Variants in DROSHA observed in about 807,000 individuals in gnomAD.
DROSHA encodes the protein drosha ribonuclease III, also known as ribonuclease 3.
In DROSHA, 56 loss-of-function variants were observed where a neutral mutation model predicts 181.9. The ratio of observed to expected loss-of-function variants is 0.31; its 90% confidence interval spans 0.25 to 0.38. The LOEUF (loss-of-function observed/expected upper bound fraction) is 0.38, where lower values mean the gene tolerates loss of function less well. DROSHA is among the 10% of genes least tolerant of loss of function. The probability of loss-of-function intolerance (pLI) is 1.00; values close to 1 mark genes in which losing one functional copy is unlikely to be tolerated. For synonymous variants in DROSHA, 524 were observed against 591.2 expected, an observed-to-expected ratio of 0.89 and a Z score of 1.65; for missense variants, 1,218 against 1,743.5, an observed-to-expected ratio of 0.70 and a Z score of 5.37.
chr5:31,476,467 A>G (rs773663524), intron 16 of DROSHA, among the ~76,000 whole-genome samples: 39 of 152,260 alleles, frequency 2.6e-4, no homozygotes, highest in Non-Finnish European at 4.7e-4. Context: ...CGAGTCACAT[A>G]GCAGCATAGA....
chr5:31,476,438 G>A (rs1376399000), intron 16 of DROSHA, among the ~76,000 whole-genome samples: 1 of 152,170 alleles, frequency 6.6e-6, no homozygotes, highest in African/African-American at 2.4e-5. Flanking sequence ...TAGGTACAAC[G>A]CTAATGATGA....
chr5:31,407,461 A>G (rs922345029), intron 33 of DROSHA, among the ~76,000 whole-genome samples: 1 of 152,240 alleles, frequency 6.6e-6, no homozygotes, highest in Non-Finnish European at 1.5e-5. Flanking sequence ...ATCTGAGATC[A>G]CTTGAAAGGT....
intron 6 of DROSHA, 135 bp from the exon 7 acceptor site, chr5:31,515,699 G>T: frequency 3.2e-6 from 4 of 1,250,772 alleles, no homozygotes; most frequent in South Asian, 1.6e-5. Context: ...CACAAAACAG[G>T]GTCTCAATAT....
In DROSHA at chr5:31,526,914, T is replaced by G; in HGVS notation, c.21-2A>C. On this transcript the variant is annotated splice_acceptor_variant, in intron 4 of 35. Transcript: ENST00000344624. LOFTEE classifies it high-confidence loss of function. ...CCCGGGTGGAACGACATTCTGTGAC[T>G]TCATGGCAGAAAAGAAAAAGGGAAA... The G allele has an allele frequency of 6.2e-7, 1 of 1,606,060 alleles. No individual in the cohort carries two copies. Among genetic ancestry groups the G allele is most frequent in the Non-Finnish European group, 8.5e-7 (1 of 1,178,134 alleles).
chr5:31,418,304 AGAG>A (rs1212183042), intron 30 of DROSHA, among the ~76,000 whole-genome samples: 1 of 152,090 alleles, frequency 6.6e-6, no homozygotes, highest in East Asian at 1.9e-4. Context: ...AGAGACAGAG[AGAG>A]GAGAGTCTTG....
chr5:31,485,853 C>T (rs562463789), intron 14 of DROSHA, among the ~76,000 whole-genome samples: 7 of 152,090 alleles, frequency 4.6e-5, no homozygotes, highest in South Asian at 4.2e-4. Flanking sequence ...CCAGGGGCTC[C>T]GGAAATTGAC....
intron 23 of DROSHA, among the ~76,000 whole-genome samples, chr5:31,446,182 C>T (rs1027694884): frequency 2.0e-5 from 3 of 152,036 alleles, no homozygotes; most frequent in African/African-American, 4.8e-5. Flanking sequence ...CGTGGTGGCT[C>T]ACGCCTGTAA....
intron 18 of DROSHA, chr5:31,467,087 T>C (rs966059263): frequency 1.6e-5 from 2 of 123,232 alleles, no homozygotes; most frequent in South Asian, 3.0e-4. Context: ...CTCTCCTTTT[T>C]TGAAAACTTT....
intron 5 of DROSHA, among the ~76,000 whole-genome samples, chr5:31,523,286 C>T (rs1359032260): frequency 6.6e-6 from 1 of 152,140 alleles, no homozygotes; most frequent in Non-Finnish European, 1.5e-5. Flanking sequence ...CATTATAAAA[C>T]AACTCGAATA....
At chr5:31,414,182 G>T (rs922901348) in intron 30 of DROSHA, among the ~76,000 whole-genome samples, 4 of 152,148 alleles carry the variant, frequency 2.6e-5, no homozygotes, top group African/African-American at 9.7e-5. Context: ...AATCCCAAAA[G>T]ATATCAAATG....
intron 16 of DROSHA, among the ~76,000 whole-genome samples, chr5:31,482,841 A>C (rs1751191366): frequency 6.6e-6 from 1 of 151,190 alleles, no homozygotes; most frequent in Non-Finnish European, 1.5e-5. Context: ...ATTTTTAGAG[A>C]TAGGGCCTTG....
chr5:31,462,552 G>A (rs547189172), intron 20 of DROSHA, among the ~76,000 whole-genome samples: 1 of 151,784 alleles, frequency 6.6e-6, no homozygotes, highest in South Asian at 2.1e-4. Context: ...TCAACTAGCT[G>A]AGGGTAGAGG....
At chr5:31,506,181 C>G (rs1737914758) in intron 10 of DROSHA, among the ~76,000 whole-genome samples, 1 of 151,728 alleles carries the variant, frequency 6.6e-6, no homozygotes, top group Non-Finnish European at 1.5e-5. Context: ...GCCAACATGG[C>G]AAAACCCCAT....
chr5:31,514,933 T>C lies in DROSHA; in HGVS notation c.1290+55A>G, dbSNP rs1739110266. 2.1e-5 allele frequency: 32 copies of C among 1,536,828 alleles called. No individual in the cohort carries two copies. The South Asian group carries it at 2.7e-4, about 13-fold the overall frequency. ...GAATTTATCCAGCCCCAAAGGCCAA[T>C]AGTGACAACGCCGAGAAGCCCTAGT... On this transcript the variant is annotated intron_variant, in intron 8 of 35. Transcript: ENST00000344624. This position sits in a 1 kb window ranked among gnomAD's most constrained non-coding sequence, Gnocchi z 4.4.
Position 31,504,634 on chromosome 5 carries a change from A to G in DROSHA, c.1589T>C (p.Met530Thr). The change falls in exon 11 of 36, where the codon ATG becomes ACG. Residue 530 changes from methionine to threonine, a missense_variant and splice_region_variant. This residue lies in a region of DROSHA where 460 missense variants were observed against 774.2 expected (regional missense o/e 0.59). Coordinates refer to ENST00000344624, the MANE Select transcript of DROSHA (RefSeq NM_001382508.1). ...DELWYNDPGQ[M>T]NDGPLCKCSA... ...GCATTTGCAGAGTGGTCCATCATTC[A>G]TCTGTCAGAAACACAATGTAATTCG... 6.2e-7 allele frequency: 1 copy of G among 1,613,870 alleles called. No homozygotes were observed. The highest frequency in any genetic ancestry group is 1.1e-5 in the South Asian group (1 of 91,050).
intron 16 of DROSHA, 74 bp downstream of exon 16, chr5:31,483,480 G>T: frequency 6.8e-7 from 1 of 1,463,618 alleles, no homozygotes; most frequent in South Asian, 1.2e-5. Context: ...TGTCCCTGAA[G>T]ACTGAAAGGA....
chr5:31,425,814 ATCTTGGCAAGTGACTTAAC>A (rs916868157), intron 27 of DROSHA, among the ~76,000 whole-genome samples: 3 of 152,134 alleles, frequency 2.0e-5, no homozygotes, highest in African/African-American at 7.2e-5. Flanking sequence ...TCCTGATTCC[ATCTTGGCAAGTGACTTAAC>A]CTAAGCTTCC....
chr5:31,449,590 G>T (rs1237469039), intron 21 of DROSHA, among the ~76,000 whole-genome samples, 171 bp from the exon 22 acceptor site: 2 of 152,108 alleles, frequency 1.3e-5, no homozygotes, highest in Admixed American at 6.6e-5. Context: ...AGGCTGGTGT[G>T]GTGGCACCTG....
intron 29 of DROSHA, chr5:31,421,880 A>T (rs1267006299): frequency 2.6e-5 from 2 of 76,648 alleles, no homozygotes; most frequent in Non-Finnish European, 4.4e-5. Flanking sequence ...ACAAAAAAAA[A>T]AAAAAAAAAA....
Sources: allele counts gnomAD v4.1 joint callset (sites outside exome capture counted in the v4.1 genomes callset), GRCh38; gene constraint gnomAD v4.1.1; regional missense constraint gnomAD v4.1.1; non-coding constraint Gnocchi (gnomAD v3.1); transcripts MANE v1.5; gene names NCBI Gene and HGNC (gene_info 2026-07-23, HGNC 2026-07-21).